IRAG2: variants seen among roughly 807,000 people sequenced by gnomAD.
The protein encoded by IRAG2 is inositol 1,4,5-triphosphate receptor associated 2, also known as lymphoid restricted membrane protein.
Under a neutral mutation model 69.9 loss-of-function variants are expected in IRAG2, and 45 were observed. The observed-to-expected ratio is 0.64, with a 90% CI of 0.51 to 0.83. IRAG2 has a LOEUF of 0.83. Among genes scored for constraint, IRAG2 ranks in the 40% least tolerant of loss-of-function variants. IRAG2 has a pLI of 0.00. For missense variants in IRAG2, 520 were observed against 587.0 expected, an observed-to-expected ratio of 0.89 and a Z score of 1.18; for synonymous variants, 193 against 202.4, an observed-to-expected ratio of 0.95 and a Z score of 0.40.
exon 1 of IRAG2, chr12:25,004,873 C>G (rs1433738838): frequency 8.1e-7 from 1 of 1,231,842 alleles, no homozygotes; most frequent in East Asian, 3.2e-5. Flanking sequence ...GTGTTTTGAT[C>G]CTCAGGATTC....
At chr12:25,074,897 T>C (rs2140061815) in intron 6 of IRAG2, among the ~76,000 whole-genome samples, 1 of 152,344 alleles carries the variant, frequency 6.6e-6, no homozygotes, top group African/African-American at 2.4e-5. Flanking sequence ...AATTTAAAAA[T>C]ATCTCAGAAG....
At chr12:25,003,902 AT>A (rs1465586602), upstream of IRAG2, among the ~76,000 whole-genome samples, 1 of 152,226 alleles carries the variant, frequency 6.6e-6, no homozygotes, top group Non-Finnish European at 1.5e-5. Context: ...CACCTGCCCT[AT>A]TATAAATAAA....
chr12:25,102,160 G>A, intron 16 of IRAG2, 38 bp from the exon 17 acceptor site: 2 of 1,570,684 alleles, frequency 1.3e-6, no homozygotes, highest in Non-Finnish European at 1.8e-6. Context: ...AATGGCATGT[G>A]TAATAGCTAA....
intron 8 of IRAG2, among the ~76,000 whole-genome samples, chr12:25,025,939 C>T (rs997142313): frequency 6.6e-6 from 1 of 151,908 alleles, no homozygotes; most frequent in African/African-American, 2.4e-5. Flanking sequence ...GCTAGGGGTT[C>T]GAAAATTTTT....
chr12:25,000,261 C>T (rs1272957332), upstream of IRAG2, among the ~76,000 whole-genome samples: 4 of 152,144 alleles, frequency 2.6e-5, no homozygotes, highest in Non-Finnish European at 5.9e-5. Flanking sequence ...GCCTGGGCAA[C>T]ATGGGGAAAC....
At chr12:25,100,022 A>AAAAAAAAAAAAAAAAAAAAAAC (rs1948663217) in intron 15 of IRAG2, among the ~76,000 whole-genome samples, 1 of 143,046 alleles carries the variant, frequency 7.0e-6, no homozygotes. Flanking sequence ...AAAAAAAAAA[A>AAAAAAAAAAAAAAAAAAAAAAC]AAATGGGCAA....
chr12:25,068,344 G>C (rs149112618), intron 5 of IRAG2, among the ~76,000 whole-genome samples: 31 of 152,280 alleles, frequency 2.0e-4, no homozygotes, highest in African/African-American at 7.5e-4. Flanking sequence ...GAAATGTCTC[G>C]AGCACAGGAG....
At chr12:25,019,112 G>A (rs183602268) in intron 6 of IRAG2, among the ~76,000 whole-genome samples, 192 of 152,268 alleles carry the variant, frequency 1.3e-3, no homozygotes, top group African/African-American at 4.3e-3. Flanking sequence ...TGGGGTGAGT[G>A]CCTTTAGGTG....
intron 8 of IRAG2, among the ~76,000 whole-genome samples, chr12:25,024,366 G>A (rs557532923): frequency 2.6e-5 from 4 of 152,218 alleles, no homozygotes; most frequent in South Asian, 2.1e-4. Context: ...AGTTATTTTC[G>A]AGATTAACTA....
intron 10 of IRAG2, among the ~76,000 whole-genome samples, chr12:25,086,681 A>G (rs1283009357): frequency 6.6e-6 from 1 of 152,192 alleles, no homozygotes; most frequent in Non-Finnish European, 1.5e-5. Context: ...GGGCATCAGA[A>G]CAGGGAAATC....
chr12:25,103,792 AATT>A (rs770289964), intron 17 of IRAG2, 42 bp from the exon 18 acceptor site: 3 of 1,378,240 alleles, frequency 2.2e-6, no homozygotes, highest in Non-Finnish European at 3.1e-6. Context: ...TATAATGATA[AATT>A]ATTGAGAGTT....
upstream of IRAG2, among the ~76,000 whole-genome samples, chr12:25,050,355 C>T (rs1450950868): frequency 1.3e-5 from 2 of 151,356 alleles, no homozygotes; most frequent in Non-Finnish European, 2.9e-5. Flanking sequence ...ATGGTGAAAC[C>T]CCGTCTCTAC....
chr12:25,100,538 A>G (rs1175651503), intron 15 of IRAG2, among the ~76,000 whole-genome samples: 1 of 152,206 alleles, frequency 6.6e-6, no homozygotes, highest in African/African-American at 2.4e-5. Context: ...ATCCCCAGAG[A>G]AAAACCTTCC....
intron 4 of IRAG2, among the ~76,000 whole-genome samples, chr12:25,065,817 A>G (rs1565550734): frequency 6.6e-6 from 1 of 152,198 alleles, no homozygotes; most frequent in Non-Finnish European, 1.5e-5. Flanking sequence ...CTACAGGCAC[A>G]TGCCATCACA....
intron 3 of IRAG2, among the ~76,000 whole-genome samples, chr12:25,013,817 C>A (rs931252315): frequency 6.7e-6 from 1 of 149,788 alleles, no homozygotes; most frequent in Non-Finnish European, 1.5e-5. Flanking sequence ...AGAATTTATG[C>A]CAAAACGATT....
At chr12:25,057,679 G>T (rs1945353625) in intron 1 of IRAG2, among the ~76,000 whole-genome samples, 1 of 151,930 alleles carries the variant, frequency 6.6e-6, no homozygotes, top group African/African-American at 2.4e-5. Flanking sequence ...AAAATGTTCA[G>T]ATCTCGAGTA....
intron 16 of IRAG2, among the ~76,000 whole-genome samples, chr12:25,038,476 C>T (rs1174528170): frequency 6.6e-6 from 1 of 152,066 alleles, no homozygotes; most frequent in Non-Finnish European, 1.5e-5. Flanking sequence ...AACCCTGTCT[C>T]TACTAAAAAT....
chr12:25,014,766 A>G (rs1231285328), intron 3 of IRAG2, among the ~76,000 whole-genome samples: 23 of 151,916 alleles, frequency 1.5e-4, no homozygotes, highest in African/African-American at 5.1e-4. Context: ...TCAATCTCTT[A>G]AGCCCCATGA....
chr12:25,060,675 T>C (rs397851030), intron 1 of IRAG2, among the ~76,000 whole-genome samples: 9,447 of 147,614 alleles, frequency 0.064, 404 homozygotes, highest in Non-Finnish European at 0.094. Context: ...TTTCTTTTTT[T>C]TTTTTTTTTT....
Sources: allele counts gnomAD v4.1 joint callset (sites outside exome capture counted in the v4.1 genomes callset), GRCh38; gene constraint gnomAD v4.1.1; transcripts MANE v1.5; gene names NCBI Gene and HGNC (gene_info 2026-07-23, HGNC 2026-07-21).